Variants in CEP192 observed in about 807,000 individuals in gnomAD.
CEP192 encodes the protein centrosomal protein 192, also known as centrosomal protein of 192 kDa.
CEP192 carries 151 observed loss-of-function variants against 271.8 expected under a neutral mutation model. The observed-to-expected ratio is 0.56, with a 90% CI of 0.49 to 0.64. CEP192 has a LOEUF of 0.64. Among genes scored for constraint, CEP192 ranks in the 30% least tolerant of loss-of-function variants. The pLI is 0.00. For missense variants in CEP192, 2,910 were observed against 3,020.5 expected, an observed-to-expected ratio of 0.96 and a Z score of 0.86; for synonymous variants, 995 against 1,076.5, an observed-to-expected ratio of 0.92 and a Z score of 1.48.
At chr18:13,051,571 A>T (rs1274653114) in intron 17 of CEP192, among the ~76,000 whole-genome samples, 2 of 151,794 alleles carry the variant, frequency 1.3e-5, no homozygotes, top group Non-Finnish European at 2.9e-5. Flanking sequence ...TTTGAGACAG[A>T]GTCTCTCTCT....
intron 40 of CEP192, among the ~76,000 whole-genome samples, chr18:13,112,956 T>TA (rs1290327383): frequency 6.6e-6 from 1 of 152,262 alleles, no homozygotes; most frequent in Non-Finnish European, 1.5e-5. Flanking sequence ...TGGTAATTGT[T>TA]ATAAAATGCT....
In CEP192 at chr18:13,019,109, G is replaced by A; in HGVS notation, c.953G>A (p.Arg318Lys). The A allele has an allele frequency of 6.5e-7, 1 of 1,539,746 alleles. No individual in the cohort carries two copies. The highest frequency in any genetic ancestry group is 1.2e-5 in the South Asian group (1 of 81,090). ...AATTCTATAGGTACTGGAGATAGTA[G>A]AAGGTACACAGATGGTATGTTACCA... is the stretch of plus-strand genomic sequence containing the variant. ...TSNSIGTGDSRRYTDGMLPFS... is the reference protein window; with the variant it reads ...TSNSIGTGDSKRYTDGMLPFS... The change falls in exon 9 of 45, where the codon AGA becomes AAA. Residue 318 changes from arginine (R) to lysine (K), a missense_variant. By Grantham distance (26) the Arg-to-Lys change is conservative. Transcript: ENST00000506447.
intron 44 of CEP192, among the ~76,000 whole-genome samples, chr18:13,122,205 C>T (rs766816694): frequency 4.9e-4 from 74 of 152,244 alleles, no homozygotes; most frequent in Non-Finnish European, 9.6e-4. Flanking sequence ...GGGTGAATCA[C>T]GAGGTCAAGA....
chr18:13,123,341 A>G (rs1462855749), intron 44 of CEP192, among the ~76,000 whole-genome samples: 1 of 152,244 alleles, frequency 6.6e-6, no homozygotes, highest in Middle Eastern at 3.2e-3. Flanking sequence ...AAAAACATAT[A>G]GAGATACACA....
chr18:13,030,609 G>GT lies in CEP192; in HGVS notation c.1534+2dup, dbSNP rs1323877954. 1.9e-6 allele frequency: 3 copies of GT among 1,595,194 alleles called. No individual in the cohort carries two copies. The highest frequency in any genetic ancestry group is 2.6e-6 in the Non-Finnish European group (3 of 1,164,596). On this transcript the variant is annotated splice_donor_variant, in intron 11 of 44. Coordinates refer to ENST00000506447, the MANE Select transcript of CEP192 (RefSeq NM_032142.4). LOFTEE classifies it high-confidence loss of function. The stretch of plus-strand genomic sequence containing the variant: ...ATGAATGAAGACTTCAGATCTGGTT[G>GT]TAAGTATATGGATAAACATTTATTA...
intron 1 of CEP192, among the ~76,000 whole-genome samples, chr18:12,994,232 T>C (rs2033069793): frequency 6.6e-6 from 1 of 152,152 alleles, no homozygotes; most frequent in African/African-American, 2.4e-5. Flanking sequence ...TTTAAATGGA[T>C]GTGATTGACT....
chr18:13,095,163 A>G (rs1299474791), intron 34 of CEP192, among the ~76,000 whole-genome samples: 1 of 151,862 alleles, frequency 6.6e-6, no homozygotes, highest in African/African-American at 2.4e-5. Flanking sequence ...ACTCCCAGCT[A>G]ATTTTTCTTT....
At chr18:13,104,869 T>A (rs1045075854) in intron 39 of CEP192, 115 bp from the exon 40 acceptor site, 3 of 778,570 alleles carry the variant, frequency 3.9e-6, no homozygotes, top group Non-Finnish European at 6.6e-6. Context: ...GTGTTCTTTT[T>A]GTCCACTGCT....
intron 1 of CEP192, among the ~76,000 whole-genome samples, chr18:12,997,021 A>T (rs557481511): frequency 2.0e-5 from 3 of 152,162 alleles, no homozygotes; most frequent in South Asian, 4.1e-4. Flanking sequence ...AGGTAGAGGA[A>T]GGCTTTTTTT....
intron 44 of CEP192, among the ~76,000 whole-genome samples, chr18:13,124,288 G>T: frequency 6.6e-6 from 1 of 152,174 alleles, no homozygotes; most frequent in East Asian, 1.9e-4. Context: ...GGGCATTTAG[G>T]GTGTTCCCGA....
intron 15 of CEP192, among the ~76,000 whole-genome samples, chr18:13,043,159 ATG>A (rs2036299490): frequency 1.3e-5 from 2 of 152,162 alleles, no homozygotes; most frequent in African/African-American, 4.8e-5. Context: ...GTTCTTGCTC[ATG>A]TTTGCTGGTC....
chr18:13,030,818 C>T (rs2035577786), intron 11 of CEP192, among the ~76,000 whole-genome samples: 1 of 152,148 alleles, frequency 6.6e-6, no homozygotes, highest in Admixed American at 6.5e-5. Flanking sequence ...TAAGCAAAGC[C>T]AATGAGTGAG....
intron 41 of CEP192, 58 bp from the exon 42 acceptor site, chr18:13,114,072 T>G: frequency 6.5e-7 from 1 of 1,540,434 alleles, no homozygotes; most frequent in East Asian, 2.3e-5. Flanking sequence ...TAAGTAAATG[T>G]CCATATATTT....
At chr18:13,014,672 T>A (rs1244358972) in intron 5 of CEP192, among the ~76,000 whole-genome samples, 3 of 152,214 alleles carry the variant, frequency 2.0e-5, no homozygotes, top group Non-Finnish European at 4.4e-5. Context: ...GGTGCTTAGA[T>A]ATTTGTGAGA....
chr18:13,003,587 A>G (rs1473136645), intron 3 of CEP192, among the ~76,000 whole-genome samples: 1 of 152,156 alleles, frequency 6.6e-6, no homozygotes, highest in African/African-American at 2.4e-5. Context: ...AGAGTAGCCC[A>G]TGTGGTTCAC....
chr18:13,068,046 G>T (rs748220660), intron 22 of CEP192, 48 bp from the exon 23 acceptor site: 27 of 1,608,924 alleles, frequency 1.7e-5, no homozygotes, highest in Non-Finnish European at 2.2e-5. Context: ...AGCAAACTTA[G>T]CATTACACTG....
intron 40 of CEP192, among the ~76,000 whole-genome samples, chr18:13,106,501 C>T (rs972390370): frequency 6.7e-6 from 1 of 149,398 alleles, no homozygotes; most frequent in African/African-American, 2.5e-5. Flanking sequence ...ACTGCCATCA[C>T]CATTTCCTAC....
chr18:13,052,242 G>A (rs774072414), intron 17 of CEP192, among the ~76,000 whole-genome samples: 7 of 152,022 alleles, frequency 4.6e-5, no homozygotes, highest in African/African-American at 7.2e-5. Flanking sequence ...TTGTGTAGCA[G>A]GGACATCTTT....
In CEP192 at chr18:13,053,082, G is replaced by T; in HGVS notation, c.3181G>T (p.Asp1061Tyr). 6.2e-7 allele frequency: 1 copy of T among 1,602,898 alleles called. No individual in the cohort carries two copies. Among genetic ancestry groups the T allele is most frequent in the Non-Finnish European group, 8.5e-7 (1 of 1,174,630 alleles). ...PTTATDDALE[D>Y]RKSDITSELS... The stretch of plus-strand genomic sequence containing the variant: ...CACAGCCACAGATGATGCCCTGGAG[G>T]ACCGCAAGGTGGGCAGCCACTTGGA... Residue 1061 changes from aspartate to tyrosine, a missense_variant, in exon 18 of 45, where the codon GAC becomes TAC. Transcript: ENST00000506447.
Sources: allele counts gnomAD v4.1 joint callset (sites outside exome capture counted in the v4.1 genomes callset), GRCh38; gene constraint gnomAD v4.1.1; transcripts MANE v1.5; gene names NCBI Gene and HGNC (gene_info 2026-07-23, HGNC 2026-07-21).